AP2A2: variants seen among roughly 807,000 people sequenced by gnomAD.
The protein encoded by AP2A2 is adaptor related protein complex 2 subunit alpha 2, also known as AP-2 complex subunit alpha-2.
A neutral mutation model predicts 104.2 loss-of-function variants in AP2A2; 32 were observed. The ratio of observed to expected loss-of-function variants is 0.31; its 90% confidence interval spans 0.23 to 0.41. The LOEUF is 0.41. AP2A2 is among the 10% of genes least tolerant of loss of function. The probability of loss-of-function intolerance (pLI) is 1.00; values close to 1 mark genes in which losing one functional copy is unlikely to be tolerated. For missense variants in AP2A2, 912 were observed against 1,261.0 expected (o/e 0.72, Z 4.19); for synonymous variants, 539 against 533.3 (o/e 1.01, Z -0.15).
At chr11:938,683 C>T (rs1366332071) in intron 1 of AP2A2, among the ~76,000 whole-genome samples, 2 of 152,042 alleles carry the variant, frequency 1.3e-5, no homozygotes, top group East Asian at 3.9e-4. Context: ...ACCGTGTTAA[C>T]CAGGATGGTC....
intron 2 of AP2A2, among the ~76,000 whole-genome samples, chr11:960,996 T>C (rs937262827): frequency 1.3e-5 from 2 of 152,258 alleles, no homozygotes; most frequent in Admixed American, 1.3e-4. Context: ...GGGAAACCAG[T>C]GATCTCAAGT....
intron 1 of AP2A2, among the ~76,000 whole-genome samples, chr11:951,313 G>T (rs1162148098): frequency 6.6e-6 from 1 of 152,100 alleles, no homozygotes; most frequent in Non-Finnish European, 1.5e-5. Context: ...GATCACCTGA[G>T]GTCAGGAGTT....
At chr11:985,698 G>A (rs959229738) in intron 8 of AP2A2, 116 bp downstream of exon 8, 25 of 1,424,442 alleles carry the variant, frequency 1.8e-5, no homozygotes, top group East Asian at 4.9e-5. Context: ...CCTCCCCTTC[G>A]TCCTGCCTCT....
At chr11:954,945 A>G (rs1854188626) in intron 1 of AP2A2, among the ~76,000 whole-genome samples, 1 of 152,172 alleles carries the variant, frequency 6.6e-6, no homozygotes. Flanking sequence ...TCCGTTTAGG[A>G]AAGTTGATTT....
chr11:935,792 C>T (rs1853439012), intron 1 of AP2A2, among the ~76,000 whole-genome samples: 1 of 151,248 alleles, frequency 6.6e-6, no homozygotes, highest in Non-Finnish European at 1.5e-5. Context: ...GACGGAGTTT[C>T]ACCATCTTGG....
rs1216167413 is a variant in AP2A2 at position 1,011,499 on chromosome 11, C to G, written c.*874C>G. 2.0e-6 allele frequency: 1 copy of G among 494,124 alleles called. No individual in the cohort carries two copies. The highest frequency in any genetic ancestry group is 4.0e-6 in the Non-Finnish European group (1 of 247,668). 30.6% of individuals were successfully genotyped at this position (494,124 alleles called of 1,614,324 possible). A position where few individuals can be genotyped will look rare whatever the true frequency, so the allele number is the denominator to read the frequency against. ...GAGGGGCTGTGGAGGAGGGACGCCT[C>G]TGTGTGGTCAGGAAGTGAAGGGGCC... On this transcript the variant is annotated 3_prime_UTR_variant, in exon 22 of 22. Coordinates refer to ENST00000448903, the MANE Select transcript of AP2A2 (RefSeq NM_012305.4).
intron 19 of AP2A2, 38 bp from the exon 20 acceptor site, chr11:1,009,290 G>T: frequency 6.2e-7 from 1 of 1,611,294 alleles, no homozygotes; most frequent in Non-Finnish European, 8.5e-7. Context: ...TTGGTCTCTG[G>T]CCTGGCTGAG....
intron 2 of AP2A2, among the ~76,000 whole-genome samples, chr11:969,675 C>T (rs7942625): frequency 0.076 from 11,631 of 152,206 alleles, 479 homozygotes; most frequent in South Asian, 0.11. Flanking sequence ...TAGGGGCCGT[C>T]GCGTGTGGGC....
chr11:954,913 A>G (rs752197701), intron 1 of AP2A2, among the ~76,000 whole-genome samples: 2 of 152,148 alleles, frequency 1.3e-5, no homozygotes, highest in East Asian at 1.9e-4. Context: ...TGGTTTCACA[A>G]CCTTATATAA....
chr11:1,008,706 A>T (rs1395545263), intron 18 of AP2A2: 3 of 248,764 alleles, frequency 1.2e-5, no homozygotes, highest in Non-Finnish European at 2.3e-5. Context: ...TCTAACATTA[A>T]AAAGACAGAG....
At chr11:930,042 A>G (rs897801286) in intron 1 of AP2A2, among the ~76,000 whole-genome samples, 3 of 144,976 alleles carry the variant, frequency 2.1e-5, no homozygotes, top group African/African-American at 7.8e-5. Flanking sequence ...AATCGCTTGA[A>G]CCCAGGAGGC....
intron 6 of AP2A2, among the ~76,000 whole-genome samples, chr11:983,964 A>G (rs1009993783): frequency 6.6e-6 from 1 of 152,132 alleles, no homozygotes; most frequent in Non-Finnish European, 1.5e-5. Flanking sequence ...GGCATCTTGC[A>G]GTTTAGGGTA....
intron 4 of AP2A2, among the ~76,000 whole-genome samples, chr11:974,682 C>CAAAAAAAA (rs747053947): frequency 2.0e-5 from 1 of 49,626 alleles, no homozygotes; most frequent in African/African-American, 6.9e-5. Context: ...GACTCTGTCT[C>CAAAAAAAA]AAAAAAAAAA....
At chr11:972,041 C>T (rs1401459557) in intron 3 of AP2A2, 21 bp from the exon 4 acceptor site, 1 of 1,602,050 alleles carries the variant, frequency 6.2e-7, no homozygotes, top group Non-Finnish European at 8.5e-7. Flanking sequence ...GCTTTCTCTT[C>T]TCCTGTCTTT....
intron 5 of AP2A2, 141 bp from the exon 6 acceptor site, chr11:981,057 T>C: frequency 1.6e-6 from 1 of 620,108 alleles, no homozygotes; most frequent in Non-Finnish European, 2.8e-6. Flanking sequence ...ACATTGTAGG[T>C]TTCTCGGAGT....
intron 2 of AP2A2, among the ~76,000 whole-genome samples, chr11:966,859 C>T (rs1175020403): frequency 6.6e-6 from 1 of 152,128 alleles, no homozygotes; most frequent in East Asian, 1.9e-4. Flanking sequence ...TCTTATTCTA[C>T]TTGATATTTT....
At position 985,611 on chromosome 11, in the gene AP2A2, G is replaced by A. The variant is rs115047270; in HGVS notation, c.962+29G>A. 578 of 1,613,160 alleles carry A rather than the reference G, an allele frequency of 3.6e-4. 3 individuals carry two copies. The African/African-American group carries it at 7.2e-3, about 20-fold the overall frequency. On this transcript the variant is annotated intron_variant, in intron 8 of 21. Coordinates refer to ENST00000448903, the MANE Select transcript of AP2A2 (RefSeq NM_012305.4). ...TGTCGGCTGCCTGTGGAGAGGCTTC[G>A]TCTCGCGCACACACACACGTTCCTT...
In AP2A2 at chr11:977,179, C is replaced by A; in HGVS notation, c.558C>A (p.Gly186=). 2.5e-6 allele frequency: 4 copies of A among 1,612,112 alleles called. No individual in the cohort carries two copies. Among genetic ancestry groups the A allele is most frequent in the Non-Finnish European group, 3.4e-6 (4 of 1,178,720 alleles). The change falls in exon 5 of 22, where the codon GGC becomes GGA. Residue 186 remains glycine (G), a synonymous_variant. Transcript: ENST00000448903. ...CGTCCCCCGATCTTGTCCCCATGGG[C>A]GACTGGACATCCCGAGTGGTGCACC... ...YRTSPDLVPM[G]DWTSRVVHLL...
intron 1 of AP2A2, among the ~76,000 whole-genome samples, chr11:936,015 C>A (rs1238747223): frequency 3.3e-5 from 5 of 151,376 alleles, no homozygotes; most frequent in Non-Finnish European, 7.4e-5. Flanking sequence ...CATTCTTCTG[C>A]CTCAGCCTCC....
Sources: gnomAD v4.1 joint callset for allele counts (sites outside exome capture counted in the v4.1 genomes callset) on GRCh38, gnomAD v4.1.1 for gene constraint, MANE v1.5 for transcripts, NCBI Gene and HGNC (gene_info 2026-07-23, HGNC 2026-07-21) for gene names.